The following SMC6 variants were observed in gnomAD, a reference collection of about 807,000 sequenced individuals.
The protein encoded by SMC6 is structural maintenance of chromosomes 6, also known as structural maintenance of chromosomes protein 6.
A neutral mutation model predicts 142.2 loss-of-function variants in SMC6; 79 were observed. The observed-to-expected ratio is 0.56, with a 90% CI of 0.46 to 0.67. The LOEUF (loss-of-function observed/expected upper bound fraction) is 0.67, where lower values mean the gene tolerates loss of function less well. Among genes scored for constraint, SMC6 ranks in the 30% least tolerant of loss-of-function variants. The pLI, the probability that SMC6 is intolerant of heterozygous loss-of-function variation, is 0.00. For synonymous variants in SMC6, 411 were observed against 412.4 expected (o/e 1.00, Z 0.04); for missense variants, 1,072 against 1,284.0 (o/e 0.83, Z 2.52).
At chr2:17,696,234 TA>T (rs1174026484) in intron 22 of SMC6, 54 bp downstream of exon 22, 2 of 1,557,556 alleles carry the variant, frequency 1.3e-6, no homozygotes, top group African/African-American at 2.8e-5. Flanking sequence ...AAACACACTT[TA>T]ATAATCATGG....
rs1669003320 is a variant in SMC6 at position 17,714,906 on chromosome 2, A to G, written c.1685T>C (p.Ile562Thr). 2 of 1,613,274 alleles carry G rather than the reference A, an allele frequency of 1.2e-6. No homozygotes were observed. Among genetic ancestry groups the G allele is most frequent in the South Asian group, 1.1e-5 (1 of 90,982 alleles). ...FYLPGTSRPP[I>T]IVSEFRNEIY... ...CTCATTCCGAAACTCAGAAACTATT[A>G]TCGGTGGCCGTGAGGTCCCTGGTAA... The change falls in exon 16 of 28, where the codon ATA becomes ACA. Residue 562 changes from isoleucine to threonine, a missense_variant. By Grantham distance (89) the Ile-to-Thr change is moderately conservative. This residue lies in a region of SMC6 where 994 missense variants were observed against 1,153.2 expected (regional missense o/e 0.86). Transcript: ENST00000448223.
intron 9 of SMC6, among the ~76,000 whole-genome samples, chr2:17,723,408 G>A (rs1177643124): frequency 6.6e-6 from 1 of 152,080 alleles, no homozygotes; most frequent in African/African-American, 2.4e-5. Flanking sequence ...TCCACAACCT[G>A]GCCTCTCATC....
intron 5 of SMC6, among the ~76,000 whole-genome samples, chr2:17,732,530 C>A (rs535723642): frequency 5.3e-5 from 8 of 152,046 alleles, no homozygotes; most frequent in African/African-American, 1.7e-4. Context: ...GAAACCCCAT[C>A]TCTACAAAAA....
In SMC6 at chr2:17,702,366, GTATA is replaced by G. The variant is rs929321886; in HGVS notation, c.2143-461_2143-458del. On this transcript the variant is annotated intron_variant, in intron 19 of 27. Transcript: ENST00000448223. ...CACTTTTATTAGCATTTTCTCATGA[GTATA>G]TATAAAGTTTATAAATATATGATTT... Among the ~76,000 whole-genome samples, 716 of 152,196 alleles carry G rather than the reference GTATA, an allele frequency of 4.7e-3. 8 individuals are homozygous for G. The highest frequency in any genetic ancestry group is 0.016 in the African/African-American group (672 of 41,546).
intron 22 of SMC6, 81 bp from the exon 23 acceptor site, chr2:17,695,378 A>G (rs1461320171): frequency 8.1e-7 from 1 of 1,237,068 alleles, no homozygotes; most frequent in Non-Finnish European, 1.1e-6. Context: ...AAATCTGCAA[A>G]GTAAAATTCT....
chr2:17,735,571 C>G (rs368393427), intron 5 of SMC6, among the ~76,000 whole-genome samples: 1 of 152,154 alleles, frequency 6.6e-6, no homozygotes, highest in African/African-American at 2.4e-5. Context: ...TAGACTACTG[C>G]AAAGACCCCA....
Position 17,691,819 on chromosome 2 carries a change from C to G in SMC6, c.2678+3333G>C, listed in dbSNP as rs2574992. On this transcript the variant is annotated intron_variant, in intron 23 of 27. Coordinates refer to ENST00000448223, the MANE Select transcript of SMC6 (RefSeq NM_001142286.2). ...GATTGTATATCTAGAAAACCCCATC[C>G]TCTCAGCCCAAAATCTCCTTAAGCT... Among the ~76,000 whole-genome samples the G allele has an allele frequency of 4.6e-5, 7 of 152,006 alleles. No individual in the cohort carries two copies. The East Asian group carries it at 1.4e-3, about 29-fold the overall frequency.
At chr2:17,695,059 A>C in intron 23 of SMC6, 93 bp downstream of exon 23, 1 of 1,390,140 alleles carries the variant, frequency 7.2e-7, no homozygotes, top group Non-Finnish European at 1.0e-6. Flanking sequence ...GTAACACTTC[A>C]TTCAAATTTA....
Position 17,707,292 on chromosome 2 carries a change from A to C in SMC6, c.1933T>G (p.Phe645Val). The change falls in exon 18 of 28, where the codon TTT becomes GTT. Residue 645 changes from phenylalanine to valine, a missense_variant. By Grantham distance (50) the Phe-to-Val change is conservative. Coordinates refer to ENST00000448223, the MANE Select transcript of SMC6 (RefSeq NM_001142286.2). Reference sequence around the variant, plus strand: ...TCAGATGAATAATAACGTCCTGCAAAAACTTGATCACCATCAGCAGTAAAA... The same window carrying C: ...TCAGATGAATAATAACGTCCTGCAACAACTTGATCACCATCAGCAGTAAAA... ...EAFTADGDQV[F>V]AGRYYSSENT... is the part of the protein sequence containing the mutation. 6.2e-7 allele frequency: 1 copy of C among 1,604,094 alleles called. No homozygotes were observed. Among genetic ancestry groups the C allele is most frequent in the South Asian group, 1.1e-5 (1 of 89,222 alleles).
intron 4 of SMC6, among the ~76,000 whole-genome samples, chr2:17,739,879 AACAC>A (rs60784309): frequency 0.039 from 4,475 of 115,400 alleles, 138 homozygotes; most frequent in African/African-American, 0.083. Flanking sequence ...GAATATGGTA[AACAC>A]ACACACACAC....
At chr2:17,747,496 T>C (rs1670812463) in intron 2 of SMC6, among the ~76,000 whole-genome samples, 1 of 125,850 alleles carries the variant, frequency 7.9e-6, no homozygotes, top group South Asian at 2.7e-4. Flanking sequence ...CAACTTTTTT[T>C]CTTTTTCTTT....
At chr2:17,747,606 A>C (rs1350247931) in intron 2 of SMC6, among the ~76,000 whole-genome samples, 1 of 151,366 alleles carries the variant, frequency 6.6e-6, no homozygotes, top group Non-Finnish European at 1.5e-5. Flanking sequence ...CCTGGGTTCA[A>C]GCGATTCTCT....
intron 23 of SMC6, among the ~76,000 whole-genome samples, chr2:17,691,380 C>G (rs2124893963): frequency 6.7e-6 from 1 of 148,174 alleles, no homozygotes; most frequent in East Asian, 2.1e-4. Flanking sequence ...ACACATTTTT[C>G]TTTCTTCATT....
chr2:17,748,397 G>C (rs1449128830), intron 2 of SMC6, among the ~76,000 whole-genome samples: 1 of 152,058 alleles, frequency 6.6e-6, no homozygotes, highest in Non-Finnish European at 1.5e-5. Flanking sequence ...TTATGAAGTC[G>C]AATACCATTT....
intron 15 of SMC6, 76 bp downstream of exon 15, chr2:17,716,010 A>G: frequency 8.5e-7 from 1 of 1,182,276 alleles, no homozygotes; most frequent in Non-Finnish European, 1.1e-6. Context: ...TTATTTCGAA[A>G]ACTTCATTCA....
At position 17,746,293 on chromosome 2, in the gene SMC6, T is replaced by C. The variant is rs181629339; in HGVS notation, c.-5-342A>G. ...ATTGCTTTAACATCTGCATATTCTA[T>C]ACTAGTTGATTTTACTTCAGAGGTA... On this transcript the variant is annotated intron_variant, in intron 2 of 27. Transcript: ENST00000448223. 305 of 169,266 alleles carry C rather than the reference T, an allele frequency of 1.8e-3. 2 individuals are homozygous for C. The highest frequency in any genetic ancestry group is 0.014 in the South Asian group (74 of 5,280). The allele number at this position is 169,266 out of a possible 1,614,324, so 10.5% of individuals were successfully genotyped here.
At chr2:17,736,023 A>G (rs974885127) in intron 5 of SMC6, among the ~76,000 whole-genome samples, 1 of 152,228 alleles carries the variant, frequency 6.6e-6, no homozygotes, top group Non-Finnish European at 1.5e-5. Context: ...TAGATGTGCA[A>G]TAGAGTAAGA....
At chr2:17,702,025 T>C (rs1668293517) in intron 19 of SMC6, 116 bp from the exon 20 acceptor site, 5 of 606,962 alleles carry the variant, frequency 8.2e-6, no homozygotes, top group Non-Finnish European at 1.5e-5. Context: ...GATTCCATAA[T>C]TAATGAAAGG....
chr2:17,702,919 C>G (rs1668340294), intron 19 of SMC6, among the ~76,000 whole-genome samples: 1 of 152,062 alleles, frequency 6.6e-6, no homozygotes, highest in Admixed American at 6.6e-5. Flanking sequence ...TCTTTATCAG[C>G]AGTGTGAAAA....
Sources: allele counts gnomAD v4.1 joint callset (sites outside exome capture counted in the v4.1 genomes callset), GRCh38; gene constraint gnomAD v4.1.1; regional missense constraint gnomAD v4.1.1; transcripts MANE v1.5; gene names NCBI Gene and HGNC (gene_info 2026-07-23, HGNC 2026-07-21).